The following CCDC57 variants were observed in gnomAD, a reference collection of about 807,000 sequenced individuals.
The protein encoded by CCDC57 is coiled-coil domain containing 57, also known as coiled-coil domain-containing protein 57.
A neutral mutation model predicts 118.9 loss-of-function variants in CCDC57; 118 were observed. The ratio of observed to expected loss-of-function variants is 0.99; its 90% CI spans 0.86 to 1.16. CCDC57 has a LOEUF of 1.16. Ranked by LOEUF, CCDC57 falls within the 50% of genes most tolerant of loss-of-function variation. The pLI, the probability that CCDC57 is intolerant of heterozygous loss-of-function variation, is 0.00. For missense variants in CCDC57, 1,300 were observed against 1,320.7 expected, an observed-to-expected ratio of 0.98 and a Z score of 0.24; for synonymous variants, 527 against 532.9, an observed-to-expected ratio of 0.99 and a Z score of 0.15.
At chr17:82,159,654 C>A (rs1304796863) in intron 14 of CCDC57, among the ~76,000 whole-genome samples, 1 of 150,442 alleles carries the variant, frequency 6.6e-6, no homozygotes, top group Admixed American at 6.7e-5. Context: ...TAGAGATATA[C>A]AATTTATATT....
intron 8 of CCDC57, 130 bp from the exon 8 acceptor site, chr17:82,184,062 C>T: frequency 3.4e-6 from 2 of 586,830 alleles, no homozygotes; most frequent in South Asian, 4.3e-5. Flanking sequence ...CACACACACA[C>T]ACACACACAC....
chr17:82,198,354 T>G, exon 4 of CCDC57: 1 of 1,613,602 alleles, frequency 6.2e-7, no homozygotes, highest in Non-Finnish European at 8.5e-7. Flanking sequence ...CTCCTCAAGT[T>G]TTCTCTCCAG....
intron 19 of CCDC57, among the ~76,000 whole-genome samples, chr17:82,102,473 G>A (rs549863556): frequency 1.2e-4 from 18 of 152,220 alleles, no homozygotes; most frequent in African/African-American, 3.4e-4. Flanking sequence ...AACCATCTTC[G>A]CAGAGGGGTG....
chr17:82,188,328 T>A, exon 8 of CCDC57: 2 of 1,607,934 alleles, frequency 1.2e-6, no homozygotes, highest in Non-Finnish European at 1.7e-6. Context: ...AGAACCCTGG[T>A]CTGCAGCTCC....
intron 16 of CCDC57, among the ~76,000 whole-genome samples, chr17:82,135,612 A>T (rs1316386884): frequency 6.6e-6 from 1 of 152,210 alleles, no homozygotes; most frequent in African/African-American, 2.4e-5. Flanking sequence ...CCCTTGGTTT[A>T]TAAACACCTG....
At chr17:82,209,730 T>A (rs1599521855) in intron 1 of CCDC57, among the ~76,000 whole-genome samples, 1 of 151,916 alleles carries the variant, frequency 6.6e-6, no homozygotes, top group Non-Finnish European at 1.5e-5. Flanking sequence ...CAAGCGATTT[T>A]CCCCCCTCAG....
Position 82,194,907 on chromosome 17 carries a change from T to C in CCDC57, c.618+356A>G, listed in dbSNP as rs1226063844. 2.0e-5 allele frequency among the ~76,000 whole-genome samples: 3 copies of C among 152,316 alleles called. No individual in the cohort carries two copies. The East Asian group carries it at 5.8e-4, about 29-fold the overall frequency. On this transcript the variant is annotated intron_variant, in intron 5 of 19. Coordinates refer to ENST00000665763, the Ensembl canonical transcript of CCDC57. ...GCTGCTGCACCCAAGCCTGCTGACA[T>C]GAGGACCGGGCTGCGCCCGGCATGG...
At chr17:82,139,465 C>T (rs940694028) in intron 16 of CCDC57, among the ~76,000 whole-genome samples, 4 of 152,158 alleles carry the variant, frequency 2.6e-5, no homozygotes, top group East Asian at 1.9e-4. Flanking sequence ...AAGCAATTCT[C>T]GTGCCTCAGC....
In CCDC57 at chr17:82,172,741, C is replaced by G; in HGVS notation, c.1626G>C (p.Met542Ile). The stretch of plus-strand genomic sequence containing the variant: ...GAGGAATCTGATGGCTTAGAGCCTC[C>G]ATTTCTTTCCTCATCTGGGCAATCG... The change falls in exon 12 of 20, where the codon ATG (methionine) becomes ATC (isoleucine). Residue 542 changes from methionine (M) to isoleucine (I), a missense_variant. Coordinates refer to ENST00000665763, the Ensembl canonical transcript of CCDC57. The surrounding 1 kb of genome is among the most constrained non-coding windows in gnomAD (Gnocchi z 5.2). 1 of 1,606,626 alleles carries G rather than the reference C, an allele frequency of 6.2e-7. No homozygotes were observed. The highest frequency in any genetic ancestry group is 8.5e-7 in the Non-Finnish European group (1 of 1,176,740).
At chr17:82,158,617 G>A (rs2042948327) in intron 14 of CCDC57, among the ~76,000 whole-genome samples, 5 of 151,548 alleles carry the variant, frequency 3.3e-5, no homozygotes, top group Admixed American at 2.6e-4. Context: ...GAACCCGGGA[G>A]GTGGAGCTTG....
intron 19 of CCDC57, among the ~76,000 whole-genome samples, chr17:82,123,504 T>G (rs1216421344): frequency 3.3e-5 from 5 of 151,926 alleles, no homozygotes; most frequent in Non-Finnish European, 5.9e-5. Flanking sequence ...TGTTACATAC[T>G]GGTAAAGGGA....
chr17:82,153,414 C>T (rs1056527285), intron 15 of CCDC57: 1 of 152,234 alleles, frequency 6.6e-6, no homozygotes, highest in Non-Finnish European at 1.5e-5. Flanking sequence ...AAGCAGTCCC[C>T]TCTCCCTGCA....
chr17:82,194,829 C>T (rs1248720575), intron 5 of CCDC57, among the ~76,000 whole-genome samples: 1 of 152,260 alleles, frequency 6.6e-6, no homozygotes, highest in Non-Finnish European at 1.5e-5. Context: ...CTGAGCTCTT[C>T]GGTACCTTCC....
At chr17:82,169,552 C>T (rs2044417374) in intron 13 of CCDC57, among the ~76,000 whole-genome samples, 1 of 152,106 alleles carries the variant, frequency 6.6e-6, no homozygotes, top group Non-Finnish European at 1.5e-5. Context: ...GGCTGTGGCT[C>T]CAGCAGGGTG....
intron 19 of CCDC57, chr17:82,113,552 C>T (rs1355011117): frequency 1.4e-6 from 1 of 717,642 alleles, no homozygotes; most frequent in South Asian, 1.5e-5. Flanking sequence ...CACTGAGGAG[C>T]TGCCTCCATT....
chr17:82,163,084 G>A (rs981711381), intron 14 of CCDC57, 116 bp downstream of exon 13: 24 of 1,266,420 alleles, frequency 1.9e-5, no homozygotes, highest in Non-Finnish European at 2.7e-5. Context: ...GGCAGAGAGA[G>A]GTCAGTGGAT....
chr17:82,171,888 C>T, intron 12 of CCDC57, 35 bp from the exon 12 acceptor site: 2 of 1,595,014 alleles, frequency 1.3e-6, no homozygotes, highest in Non-Finnish European at 1.7e-6. Context: ...ATAACACATA[C>T]ACAGCATCCT....
intron 16 of CCDC57, among the ~76,000 whole-genome samples, chr17:82,135,908 T>A (rs533759042): frequency 1.7e-3 from 259 of 152,154 alleles, no homozygotes; most frequent in African/African-American, 6.0e-3. Context: ...TTAAAAGAAA[T>A]TTTTTTAAAT....
chr17:82,195,431 G>C, intron 4 of CCDC57, 67 bp from the exon 4 acceptor site: 1 of 1,228,602 alleles, frequency 8.1e-7, no homozygotes, highest in Admixed American at 2.0e-5. Context: ...CCCACGTCCT[G>C]GGAGGTGGGA....
Sources: gnomAD v4.1 joint callset for allele counts (sites outside exome capture counted in the v4.1 genomes callset) on GRCh38, gnomAD v4.1.1 for gene constraint, Gnocchi (gnomAD v3.1) non-coding constraint, MANE v1.5 for transcripts, NCBI Gene and HGNC (gene_info 2026-07-23, HGNC 2026-07-21) for gene names.